Variants in PHF12 observed in about 807,000 individuals in gnomAD.
PHF12 encodes PHD factor 1.
Under a neutral mutation model 99.8 loss-of-function variants are expected in PHF12, and 6 were observed. The observed-to-expected ratio is 0.06, with a 90% CI of 0.03 to 0.12. PHF12 has a LOEUF of 0.12. Among genes scored for constraint, PHF12 ranks in the 10% least tolerant of loss-of-function variants. PHF12 has a pLI of 1.00. For synonymous variants in PHF12, 480 were observed against 514.9 expected, an observed-to-expected ratio of 0.93 and a Z score of 0.92; for missense variants, 954 against 1,300.1, an observed-to-expected ratio of 0.73 and a Z score of 4.09.
chr17:28,906,494 C>T lies in PHF12; in HGVS notation c.2704G>A (p.Asp902Asn). The T allele has an allele frequency of 6.2e-7, 1 of 1,605,914 alleles. No individual in the cohort carries two copies. The highest frequency in any genetic ancestry group is 8.5e-7 in the Non-Finnish European group (1 of 1,173,648). Residue 902 changes from aspartate to asparagine, a missense_variant, in exon 15 of 15, where the codon GAC becomes AAC. Physicochemically the swap from Asp to Asn is conservative, Grantham distance 23. Transcript: ENST00000332830. The surrounding 1 kb of genome is among the most constrained non-coding windows in gnomAD (Gnocchi z 4.2). The part of the protein sequence containing the change: ...VIRRRRHQKQ[D>N]EEPSEEAAMM... ...GCTGCCTCCTCACTTGGCTCTTCGT[C>T]CTGTTTCTGGTGCCGGCGGCGCCCT...
chr17:28,908,705 C>T (rs2152655447), intron 12 of PHF12, 78 bp downstream of exon 12: 2 of 1,450,480 alleles, frequency 1.4e-6, no homozygotes, highest in Non-Finnish European at 9.6e-7. Flanking sequence ...TCACCCCTTT[C>T]TAACTTCTGT....
rs1230883042 is a variant in PHF12, at chr17:28,951,085, T to C, written c.-125A>G. On this transcript the variant is annotated 5_prime_UTR_variant, in exon 1 of 15. Coordinates refer to ENST00000332830, the MANE Select transcript of PHF12 (RefSeq NM_001033561.2). ...TTTTTTCCCAATACGGGTCCCGACT[T>C]CCTCGCCCTGGCTCCCCCCCACCCC... 2 of 1,495,016 alleles carry C rather than the reference T, an allele frequency of 1.3e-6. No homozygotes were observed. Among genetic ancestry groups the C allele is most frequent in the Non-Finnish European group, 1.8e-6 (2 of 1,120,540 alleles). 92.6% of individuals were successfully genotyped at this position (1,495,016 alleles called of 1,614,324 possible). A position where few individuals can be genotyped will look rare whatever the true frequency, so the allele number is the denominator to read the frequency against.
At chr17:28,922,446 G>A (rs1479087329) in intron 4 of PHF12, among the ~76,000 whole-genome samples, 12 of 151,852 alleles carry the variant, frequency 7.9e-5, no homozygotes. Context: ...TCCTTCTTAA[G>A]CCTACCAATT....
intron 13 of PHF12, 70 bp from the exon 14 acceptor site, chr17:28,907,064 C>T: frequency 1.3e-6 from 2 of 1,505,098 alleles, no homozygotes; most frequent in South Asian, 1.3e-5. Context: ...GGAGAGAGGA[C>T]ATATGGAGAA....
chr17:28,906,122 AT>A lies in PHF12; in HGVS notation c.*60del. On this transcript the variant is annotated 3_prime_UTR_variant, in exon 15 of 15. Coordinates refer to ENST00000332830, the MANE Select transcript of PHF12 (RefSeq NM_001033561.2). The surrounding 1 kb of genome is among the most constrained non-coding windows in gnomAD (Gnocchi z 4.2). ...AAACACCCGGGCTTGGTTTGTGTAC[AT>A]TTTTGCATTGCAGGAGTCTTGGGTG... is the stretch of plus-strand genomic sequence containing the variant. 1 of 1,500,070 alleles carries A rather than the reference AT, an allele frequency of 6.7e-7. No individual in the cohort carries two copies. The allele number at this position is 1,500,070 out of a possible 1,614,324, so 92.9% of individuals were successfully genotyped here. A position where few individuals can be genotyped will look rare whatever the true frequency, so the allele number is the denominator to read the frequency against.
chr17:28,934,490 A>G (rs1305672086), intron 2 of PHF12, among the ~76,000 whole-genome samples: 1 of 152,248 alleles, frequency 6.6e-6, no homozygotes, highest in African/African-American at 2.4e-5. Context: ...GCATTTTGAT[A>G]AAATACCTGA....
In PHF12 at chr17:28,937,075, C is replaced by T. The variant is rs116405304; in HGVS notation, c.249-10012G>A. 4.0e-3 allele frequency among the ~76,000 whole-genome samples: 603 copies of T among 152,192 alleles called. 5 individuals carry two copies. The highest frequency in any genetic ancestry group is 0.014 in the African/African-American group (586 of 41,508). ...GCACAGAGAACCAGCCTTTTATAAA[C>T]GAAAACAAACTTATGTCCTGGAAAA... On this transcript the variant is annotated intron_variant, in intron 2 of 14. Coordinates refer to ENST00000332830, the MANE Select transcript of PHF12 (RefSeq NM_001033561.2).
chr17:28,933,766 T>C (rs2040457235), intron 2 of PHF12, among the ~76,000 whole-genome samples: 1 of 152,140 alleles, frequency 6.6e-6, no homozygotes, highest in Non-Finnish European at 1.5e-5. Flanking sequence ...AAAAGTAGTC[T>C]AGGCCAGGCT....
chr17:28,941,617 C>CA (rs1567970735), intron 2 of PHF12, among the ~76,000 whole-genome samples: 1 of 148,672 alleles, frequency 6.7e-6, no homozygotes, highest in African/African-American at 2.5e-5. Flanking sequence ...CAATTAAAAT[C>CA]TTTTTTTTTT....
Position 28,914,020 on chromosome 17 carries a change from T to C in PHF12, c.1152A>G (p.Lys384=), listed in dbSNP as rs1444972707. 4 of 1,610,792 alleles carry C rather than the reference T, an allele frequency of 2.5e-6. No individual in the cohort carries two copies. The highest frequency in any genetic ancestry group is 1.1e-5 in the South Asian group (1 of 90,960). Residue 384 remains lysine (K), a synonymous_variant, in exon 8 of 15, where the codon AAA becomes AAG. Coordinates refer to ENST00000332830, the MANE Select transcript of PHF12 (RefSeq NM_001033561.2). ...RRSLKVPDAI[K]SQYQFPPPLI... ...GAGGGGGTGGAAACTGGTACTGAGA[T>C]TTTATAGCATCAGGAACCTGTTCAG...
chr17:28,914,671 CAAAAAAA>C (rs61203588), intron 7 of PHF12, among the ~76,000 whole-genome samples: 10 of 30,342 alleles, frequency 3.3e-4, no homozygotes, highest in Admixed American at 5.5e-4. Flanking sequence ...GACTCCGTCT[CAAAAAAA>C]AAAAAAAAAA....
chr17:28,906,266 G>A lies in PHF12; in HGVS notation c.2932C>T (p.Leu978=). ...ATKQPKGDAS[L]LQDGVLAEKL... Reference sequence around the variant, plus strand: ...TCGGCCAAGACCCCATCCTGCAGCAGGCTGGCATCGCCTTTGGGCTGTTTG... The same window carrying A: ...TCGGCCAAGACCCCATCCTGCAGCAAGCTGGCATCGCCTTTGGGCTGTTTG... Residue 978 remains leucine, a synonymous_variant, in exon 15 of 15, where the codon CTG becomes TTG. Coordinates refer to ENST00000332830, the MANE Select transcript of PHF12 (RefSeq NM_001033561.2). This position sits in a 1 kb window ranked among gnomAD's most constrained non-coding sequence, Gnocchi z 4.2. 1 of 1,613,922 alleles carries A rather than the reference G, an allele frequency of 6.2e-7. No individual in the cohort carries two copies.
intron 4 of PHF12, among the ~76,000 whole-genome samples, chr17:28,923,074 G>A (rs1251335840): frequency 6.6e-6 from 1 of 151,446 alleles, no homozygotes; most frequent in Non-Finnish European, 1.5e-5. Context: ...ATATTAATAT[G>A]AAAAGACTTC....
In PHF12 at chr17:28,912,884, G is replaced by A. The variant is rs764505137; in HGVS notation, c.1687C>T (p.Arg563Trp). ...YSSPTDSTDP[R>W]RLPGANTPLP... ...GGGGTGTTAGCGCCTGGAAGTCGCC[G>A]GGGGTCCGTGGAATCAGTAGGGCTG... Residue 563 changes from arginine (R) to tryptophan (W), a missense_variant, in exon 9 of 15, where the codon CGG becomes TGG. Physicochemically the swap from Arg to Trp is moderately radical, Grantham distance 101 (BLOSUM62 -3). Transcript: ENST00000332830. The A allele has an allele frequency of 5.6e-6, 9 of 1,612,522 alleles. No individual in the cohort carries two copies. The highest frequency in any genetic ancestry group is 3.3e-5 in the Admixed American group (2 of 59,922).
intron 2 of PHF12, among the ~76,000 whole-genome samples, chr17:28,936,176 C>T (rs999357943): frequency 4.6e-5 from 7 of 152,182 alleles, no homozygotes; most frequent in African/African-American, 1.4e-4. Flanking sequence ...TCATCTCCCT[C>T]GCCTATTAAT....
chr17:28,926,201 C>T (rs2040269731), intron 3 of PHF12: 1 of 154,512 alleles, frequency 6.5e-6, no homozygotes, highest in Non-Finnish European at 1.4e-5. Context: ...CAATCTTAAT[C>T]ATCTCATCCT....
At chr17:28,910,859 C>T in intron 10 of PHF12, 1 of 484,190 alleles carries the variant, frequency 2.1e-6, no homozygotes, top group African/African-American at 2.0e-5. Flanking sequence ...TCTCGTCTCA[C>T]TGGTTCAGCT....
At chr17:28,910,018 G>T in intron 11 of PHF12, 1 of 744,698 alleles carries the variant, frequency 1.3e-6, no homozygotes, top group South Asian at 1.5e-5. Flanking sequence ...AGTTACAGCA[G>T]ACTTCCCCAA....
chr17:28,910,427 C>T, intron 10 of PHF12, 58 bp from the exon 11 acceptor site: 1 of 1,547,778 alleles, frequency 6.5e-7, no homozygotes, highest in South Asian at 1.2e-5. Flanking sequence ...AATGTGGAAG[C>T]AAATCAGGGT....
Sources: allele counts gnomAD v4.1 joint callset (sites outside exome capture counted in the v4.1 genomes callset), GRCh38; gene constraint gnomAD v4.1.1; non-coding constraint Gnocchi (gnomAD v3.1); transcripts MANE v1.5; gene names NCBI Gene and HGNC (gene_info 2026-07-23, HGNC 2026-07-21).